Variants in FAM204A observed in about 807,000 individuals in gnomAD.
FAM204A encodes the protein family with sequence similarity 204 member A, also known as protein FAM204A.
Under a neutral mutation model 35.4 loss-of-function variants are expected in FAM204A, and 16 were observed. The ratio of observed to expected loss-of-function variants is 0.45; its 90% confidence interval spans 0.31 to 0.69. The LOEUF is 0.69. FAM204A is among the 30% of genes least tolerant of loss of function. The pLI is 0.07. For synonymous variants in FAM204A, 76 were observed against 86.9 expected (o/e 0.88, Z 0.70); for missense variants, 240 against 265.7 (o/e 0.90, Z 0.67).
At chr10:118,341,654 G>A (rs1008728534) in intron 2 of FAM204A, 73 bp downstream of exon 2, 2 of 152,148 alleles carry the variant, frequency 1.3e-5, no homozygotes, top group Admixed American at 1.3e-4. Context: ...CCAAGATCCT[G>A]CATGGAAAGA....
intron 2 of FAM204A, among the ~76,000 whole-genome samples, chr10:118,337,596 C>A (rs1376100203): frequency 6.6e-6 from 1 of 152,148 alleles, no homozygotes; most frequent in East Asian, 1.9e-4. Context: ...AATATCCTCA[C>A]CAAATATTCT....
rs544334577 is a variant in FAM204A at position 118,330,265 on chromosome 10, T to C, written c.454-4022A>G. On this transcript the variant is annotated intron_variant, in intron 6 of 8. Coordinates refer to ENST00000369183, the MANE Select transcript of FAM204A (RefSeq NM_022063.3). ...TTTCCTTGCACTACAAATTCTTGCA[T>C]AGCCTGATACCTCAACTCAGAACTT... Among the ~76,000 whole-genome samples, 9 of 152,328 alleles carry C rather than the reference T, an allele frequency of 5.9e-5. No individual in the cohort carries two copies. In the South Asian group the frequency reaches 8.3e-4, roughly 14 times the overall value.
In FAM204A at chr10:118,336,308, T is replaced by C; in HGVS notation, c.108A>G (p.Lys36=). Residue 36 remains lysine (K), a synonymous_variant, in exon 3 of 9, where the codon AAA becomes AAG. Transcript: ENST00000369183. ...ENSGLNLQED[K]EDESIRKTEI... ...CTGTTTTTCTGATGCTCTCATCCTC[T>C]TTATCTTCCTGTAAGTTAAGTCCAG... 6.2e-7 allele frequency: 1 copy of C among 1,614,052 alleles called. No individual in the cohort carries two copies. The highest frequency in any genetic ancestry group is 8.5e-7 in the Non-Finnish European group (1 of 1,179,902).
rs990495855 is a variant in FAM204A, at chr10:118,306,924, T to C, written c.*3933A>G. The C allele has an allele frequency of 7.9e-5, 12 of 151,996 alleles. No individual in the cohort carries two copies. The highest frequency in any genetic ancestry group is 2.9e-4 in the African/African-American group (12 of 41,380). 9.4% of individuals were successfully genotyped at this position (151,996 alleles called of 1,614,324 possible). On this transcript the variant is annotated 3_prime_UTR_variant, in exon 9 of 9. Coordinates refer to ENST00000369183, the MANE Select transcript of FAM204A (RefSeq NM_022063.3). ...TAAAGCAAGCAGTGTGGAGGGAGGATGAAATAATAAAGATTAAAGAATGCA... is the reference window on the plus strand; with the variant it reads ...TAAAGCAAGCAGTGTGGAGGGAGGACGAAATAATAAAGATTAAAGAATGCA...
chr10:118,314,866 A>G (rs1004795488), intron 7 of FAM204A, among the ~76,000 whole-genome samples: 9 of 152,120 alleles, frequency 5.9e-5, no homozygotes, highest in African/African-American at 1.9e-4. Context: ...ATCACAAAGA[A>G]CTGCAAATTG....
intron 7 of FAM204A, among the ~76,000 whole-genome samples, chr10:118,320,476 G>C (rs1443390678): frequency 6.6e-6 from 1 of 151,698 alleles, no homozygotes; most frequent in Admixed American, 6.6e-5. Flanking sequence ...CATTATCAAT[G>C]AATGGAATGT....
Position 118,303,832 on chromosome 10 carries a change from AC to A in FAM204A, c.*7024del, listed in dbSNP as rs2119769751. 6.6e-6 allele frequency: 1 copy of A among 150,944 alleles called. No individual in the cohort carries two copies. Among genetic ancestry groups the A allele is most frequent in the East Asian group, 2.0e-4 (1 of 5,118 alleles). The allele number at this position is 150,944 out of a possible 1,614,324, so 9.4% of individuals were successfully genotyped here. ...TCTCAAAAAGAAAAAAAGAAAAAAA[AC>A]AGCTCCTTTGCCACAAGCAGAGTTC... On this transcript the variant is annotated 3_prime_UTR_variant, in exon 9 of 9. Coordinates refer to ENST00000369183, the MANE Select transcript of FAM204A (RefSeq NM_022063.3).
chr10:118,316,258 A>C (rs1378281089), intron 7 of FAM204A, among the ~76,000 whole-genome samples: 1 of 152,206 alleles, frequency 6.6e-6, no homozygotes, highest in Non-Finnish European at 1.5e-5. Flanking sequence ...CCTTGCAGTG[A>C]AGGAGTTTTA....
intron 7 of FAM204A, among the ~76,000 whole-genome samples, chr10:118,314,856 A>G (rs769716683): frequency 1.3e-5 from 2 of 152,206 alleles, no homozygotes; most frequent in Admixed American, 6.5e-5. Context: ...TCTAAACATT[A>G]TCACAAAGAA....
At chr10:118,310,996 C>T in intron 8 of FAM204A, 88 bp from the exon 9 acceptor site, 1 of 1,339,014 alleles carries the variant, frequency 7.5e-7, no homozygotes, top group Non-Finnish European at 1.0e-6. Context: ...CAAAGCAAAA[C>T]AAACAAAAAT....
Position 118,310,801 on chromosome 10 carries a change from C to T in FAM204A, c.*56G>A. On this transcript the variant is annotated 3_prime_UTR_variant, in exon 9 of 9. Coordinates refer to ENST00000369183, the MANE Select transcript of FAM204A (RefSeq NM_022063.3). ...TGACATATTAACATAGGCAGGAAAA[C>T]ATTCTCAGTAAATTGAGCATTTGAG... The T allele has an allele frequency of 7.2e-7, 1 of 1,398,368 alleles. No individual in the cohort carries two copies. Among genetic ancestry groups the T allele is most frequent in the Non-Finnish European group, 9.9e-7 (1 of 1,007,128 alleles). 86.6% of individuals were successfully genotyped at this position (1,398,368 alleles called of 1,614,324 possible).
At chr10:118,332,566 C>T (rs541496166) in intron 6 of FAM204A, among the ~76,000 whole-genome samples, 1 of 144,774 alleles carries the variant, frequency 6.9e-6, no homozygotes, top group African/African-American at 2.5e-5. Flanking sequence ...GCCCCTCCCT[C>T]CACCCACTCA....
chr10:118,324,869 T>C (rs957682488), intron 7 of FAM204A, among the ~76,000 whole-genome samples: 5 of 152,182 alleles, frequency 3.3e-5, no homozygotes, highest in Non-Finnish European at 5.9e-5. Context: ...AAAAACCTTA[T>C]ATAAAATGTC....
At chr10:118,337,137 T>C in intron 2 of FAM204A, 1 of 526,098 alleles carries the variant, frequency 1.9e-6, no homozygotes, top group Non-Finnish European at 2.4e-6. Flanking sequence ...ATACAGTCCA[T>C]TAGTAGAGAG....
At chr10:118,330,129 C>T (rs1482797528) in intron 6 of FAM204A, among the ~76,000 whole-genome samples, 3 of 152,104 alleles carry the variant, frequency 2.0e-5, no homozygotes, top group African/African-American at 7.2e-5. Context: ...AATGTAAATA[C>T]AACAGCCTCA....
chr10:118,320,275 A>G (rs1846092449), intron 7 of FAM204A, among the ~76,000 whole-genome samples: 1 of 144,980 alleles, frequency 6.9e-6, no homozygotes, highest in African/African-American at 2.5e-5. Flanking sequence ...AATAAAATAA[A>G]AACTTTATTT....
chr10:118,335,408 T>C lies in FAM204A; in HGVS notation c.341A>G (p.Lys114Arg). 1 of 1,594,470 alleles carries C rather than the reference T, an allele frequency of 6.3e-7. No individual in the cohort carries two copies. Among genetic ancestry groups the C allele is most frequent in the South Asian group, 1.1e-5 (1 of 87,264 alleles). The change falls in exon 5 of 9, where the codon AAA (lysine) becomes AGA (arginine). Residue 114 changes from lysine to arginine, a missense_variant. By Grantham distance (26) the Lys-to-Arg change is conservative. Around this residue, in one of 2 missense-constraint regions of FAM204A, gnomAD observed 232 missense variants for 242.8 expected, o/e 0.96. Coordinates refer to ENST00000369183, the MANE Select transcript of FAM204A (RefSeq NM_022063.3). ...RSRKDKLKNEKELHSEPSSNE... is the reference protein window; with the variant it reads ...RSRKDKLKNERELHSEPSSNE... ...AAATTCTACCTACCTATGTAATTCT[T>C]TTTCATTCTTCAATTTATCTGAAAA...
intron 6 of FAM204A, among the ~76,000 whole-genome samples, chr10:118,328,916 T>C (rs1428139139): frequency 2.6e-5 from 4 of 152,228 alleles, no homozygotes; most frequent in African/African-American, 7.2e-5. Flanking sequence ...TACTCTGTCC[T>C]GGAGCTTCAA....
rs191752513 is a variant in FAM204A at position 118,309,050 on chromosome 10, A to G, written c.*1807T>C. On this transcript the variant is annotated 3_prime_UTR_variant, in exon 9 of 9. Transcript: ENST00000369183. ...TTCCCCCATAATGGATTTTTAGAGG[A>G]AAGGTTTCTATACTAAAAGTCTGTA... The G allele has an allele frequency of 9.2e-5, 14 of 152,340 alleles. No individual in the cohort carries two copies. The East Asian group carries it at 2.7e-3, about 29-fold the overall frequency. 9.4% of individuals were successfully genotyped at this position (152,340 alleles called of 1,614,324 possible). A position where few individuals can be genotyped will look rare whatever the true frequency, so the allele number is the denominator to read the frequency against.
Sources: allele counts gnomAD v4.1 joint callset (sites outside exome capture counted in the v4.1 genomes callset), GRCh38; gene constraint gnomAD v4.1.1; regional missense constraint gnomAD v4.1.1; transcripts MANE v1.5; gene names NCBI Gene and HGNC (gene_info 2026-07-23, HGNC 2026-07-21).